Variants in DNAH11 observed in about 807,000 individuals in gnomAD.
The protein encoded by DNAH11 is dynein axonemal heavy chain 11, also known as axonemal beta dynein heavy chain 11.
DNAH11 carries 442 observed loss-of-function variants against 526.0 expected under a neutral mutation model. That is an observed-to-expected ratio of 0.84 (90% CI 0.78 to 0.91). The LOEUF is 0.91. DNAH11 is among the 40% of genes least tolerant of loss of function. The probability of loss-of-function intolerance (pLI) is 0.00; values close to 1 mark genes in which losing one functional copy is unlikely to be tolerated. For missense variants in DNAH11, 6,989 were observed against 5,448.7 expected, an observed-to-expected ratio of 1.28 and a Z score of -8.90; for synonymous variants, 2,461 against 1,935.9, an observed-to-expected ratio of 1.27 and a Z score of -7.12.
chr7:21,823,729 C>T (rs1790153566), intron 65 of DNAH11, among the ~76,000 whole-genome samples: 1 of 152,090 alleles, frequency 6.6e-6, no homozygotes. Flanking sequence ...ACTTTTATTT[C>T]TGTTACTAGG....
At position 21,663,192 on chromosome 7, in the gene DNAH11, A is replaced by G. The variant is rs1210657052; in HGVS notation, c.5328+4161A>G. Among the ~76,000 whole-genome samples, 4 of 152,216 alleles carry G rather than the reference A, an allele frequency of 2.6e-5. No homozygotes were observed. In the East Asian group the frequency reaches 7.7e-4, roughly 29 times the overall value. ...ATGGTGGAGTAGTAGTCCATTGTATATATATGTCACATTTTCTTTTTCCAT... is the reference window on the plus strand; with the variant it reads ...ATGGTGGAGTAGTAGTCCATTGTATGTATATGTCACATTTTCTTTTTCCAT... On this transcript the variant is annotated intron_variant, in intron 30 of 81. Transcript: ENST00000409508.
In DNAH11 at chr7:21,617,654, G is replaced by C; in HGVS notation, c.4131G>C (p.Trp1377Cys). 1 of 1,613,822 alleles carries C rather than the reference G, an allele frequency of 6.2e-7. No individual in the cohort carries two copies. Among genetic ancestry groups the C allele is most frequent in the Non-Finnish European group, 8.5e-7 (1 of 1,179,818 alleles). The change falls in exon 23 of 82, where the codon TGG (tryptophan) becomes TGC (cysteine). Residue 1377 changes from tryptophan to cysteine, a missense_variant. Physicochemically the swap from Trp to Cys is radical, Grantham distance 215 (BLOSUM62 -2). Transcript: ENST00000409508. ...CACTCAACAAGGAAGTCCGCGTCTG[G>C]GATGCTTACACGGGCCTGGAAGGCA... is the stretch of plus-strand genomic sequence containing the variant. ...IWSLNKEVRV[W>C]DAYTGLEGTV...
chr7:21,559,525 C>G, intron 3 of DNAH11, 78 bp from the exon 4 acceptor site: 1 of 1,196,734 alleles, frequency 8.4e-7, no homozygotes, highest in Non-Finnish European at 1.2e-6. Context: ...TTATGGATGC[C>G]TAAAATAACT....
intron 35 of DNAH11, among the ~76,000 whole-genome samples, chr7:21,693,960 G>A (rs1237945203): frequency 6.6e-6 from 1 of 152,126 alleles, no homozygotes; most frequent in Non-Finnish European, 1.5e-5. Context: ...CACGCGCGAG[G>A]TGGGGAAGTG....
intron 76 of DNAH11, among the ~76,000 whole-genome samples, chr7:21,886,944 A>G (rs1562604336): frequency 6.6e-6 from 1 of 152,178 alleles, no homozygotes; most frequent in Non-Finnish European, 1.5e-5. Flanking sequence ...AAATTAAAGC[A>G]CTTAACTGAC....
At chr7:21,702,413 T>G (rs1216995900) in intron 36 of DNAH11, among the ~76,000 whole-genome samples, 1 of 151,780 alleles carries the variant, frequency 6.6e-6, no homozygotes, top group East Asian at 1.9e-4. Context: ...AGTTAGCAGG[T>G]CTGTTGAGAG....
At position 21,588,512 on chromosome 7, in the gene DNAH11, A is replaced by T. The variant is rs1299880651; in HGVS notation, c.1849A>T (p.Ile617Phe). The T allele has an allele frequency of 6.2e-7, 1 of 1,613,338 alleles. No homozygotes were observed. The highest frequency in any genetic ancestry group is 8.5e-7 in the Non-Finnish European group (1 of 1,179,526). Residue 617 changes from isoleucine to phenylalanine, a missense_variant and splice_region_variant, in exon 11 of 82, where the codon ATT (isoleucine) becomes TTT (phenylalanine). Ile to Phe is a conservative substitution (Grantham distance 21). Transcript: ENST00000409508. ...TCTTCACCAAAATATCAACTTGCAGATTGAATGTGGTCATGTAGTTCTTAA... is the reference window on the plus strand; with the variant it reads ...TCTTCACCAAAATATCAACTTGCAGTTTGAATGTGGTCATGTAGTTCTTAA... ...KQLYNEHMKQIECGHVVLNKN... is the reference protein window; with the variant it reads ...KQLYNEHMKQFECGHVVLNKN...
At chr7:21,842,046 G>A (rs1158572447) in intron 65 of DNAH11, among the ~76,000 whole-genome samples, 1 of 152,084 alleles carries the variant, frequency 6.6e-6, no homozygotes, top group Non-Finnish European at 1.5e-5. Context: ...ATTTATTTCA[G>A]TGTTTAATAT....
intron 73 of DNAH11, among the ~76,000 whole-genome samples, chr7:21,872,053 G>A (rs998082546): frequency 7.1e-6 from 1 of 141,736 alleles, no homozygotes; most frequent in African/African-American, 2.6e-5. Flanking sequence ...GAACCCAGGA[G>A]ACGGAGTTTG....
chr7:21,701,711 G>A (rs937532112), intron 36 of DNAH11, among the ~76,000 whole-genome samples: 1 of 152,172 alleles, frequency 6.6e-6, no homozygotes, highest in Non-Finnish European at 1.5e-5. Context: ...GAGTAAATGG[G>A]ATATTTGTAA....
chr7:21,755,861 A>G (rs79578472), intron 54 of DNAH11, among the ~76,000 whole-genome samples: 7,126 of 152,272 alleles, frequency 0.047, 364 homozygotes, highest in East Asian at 0.29. Context: ...AACTATTTGT[A>G]GAAAATGTCC....
intron 25 of DNAH11, among the ~76,000 whole-genome samples, chr7:21,626,745 C>CTTT (rs34136253): frequency 4.8e-4 from 32 of 66,412 alleles, no homozygotes; most frequent in Non-Finnish European, 6.7e-4. Flanking sequence ...TTCTGTATGT[C>CTTT]TTTTTTTTTT....
At chr7:21,866,875 G>C (rs1334888247) in intron 71 of DNAH11, among the ~76,000 whole-genome samples, 1 of 152,156 alleles carries the variant, frequency 6.6e-6, no homozygotes. Flanking sequence ...TCCCAAAAAA[G>C]CTTAATTCTG....
chr7:21,587,358 C>T (rs1784506884), intron 9 of DNAH11, among the ~76,000 whole-genome samples: 1 of 152,102 alleles, frequency 6.6e-6, no homozygotes, highest in South Asian at 2.1e-4. Context: ...TGTCTGCTTT[C>T]TCCTGTCCCA....
rs1455401840 is a variant in DNAH11 at position 21,900,614 on chromosome 7, G to GATGTTCCTTTTTCAGTTTA, written c.13304-391_13304-373dup. On this transcript the variant is annotated intron_variant, in intron 81 of 81. Coordinates refer to ENST00000409508, the MANE Select transcript of DNAH11 (RefSeq NM_001277115.2). Reference sequence around the variant, plus strand: ...CCACAGGACACTTAGTCCCTACCAAGATGTTCCTTTTTCAGTTTAAAGCAA... The same window carrying GATGTTCCTTTTTCAGTTTA: ...CCACAGGACACTTAGTCCCTACCAAGATGTTCCTTTTTCAGTTTAATGTTCCTTTTTCAGTTTAAAGCAA... Among the ~76,000 whole-genome samples the GATGTTCCTTTTTCAGTTTA allele has an allele frequency of 3.3e-5, 5 of 152,268 alleles. No individual in the cohort carries two copies. The East Asian group carries it at 9.7e-4, about 29-fold the overall frequency.
chr7:21,603,371 C>A, intron 18 of DNAH11, among the ~76,000 whole-genome samples: 1 of 152,254 alleles, frequency 6.6e-6, no homozygotes, highest in South Asian at 2.1e-4. Flanking sequence ...GCTATGAACA[C>A]TGGTGTGTAT....
chr7:21,749,835 C>T (rs778449355), intron 53 of DNAH11, 34 bp downstream of exon 53: 3 of 1,610,864 alleles, frequency 1.9e-6, no homozygotes, highest in Non-Finnish European at 1.7e-6. Context: ...GAAAGATCTT[C>T]CCCAATGACA....
chr7:21,589,001 C>T (rs1371862366), intron 11 of DNAH11, among the ~76,000 whole-genome samples: 1 of 152,112 alleles, frequency 6.6e-6, no homozygotes, highest in South Asian at 2.1e-4. Context: ...TTGCTATCAA[C>T]ATTTAGTAAA....
At chr7:21,891,693 G>T (rs1784332334) in intron 76 of DNAH11, among the ~76,000 whole-genome samples, 2 of 152,094 alleles carry the variant, frequency 1.3e-5, no homozygotes, top group South Asian at 4.1e-4. Context: ...CACGATAAAA[G>T]CCCGCTTTCT....
Sources: allele counts gnomAD v4.1 joint callset (sites outside exome capture counted in the v4.1 genomes callset), GRCh38; gene constraint gnomAD v4.1.1; transcripts MANE v1.5; gene names NCBI Gene and HGNC (gene_info 2026-07-23, HGNC 2026-07-21).